Variants in CUBN observed in about 807,000 individuals in gnomAD.
CUBN encodes the protein 460 kDa receptor.
CUBN carries 282 observed loss-of-function variants against 405.3 expected under a neutral mutation model. That is an observed-to-expected ratio of 0.70 (90% CI 0.63 to 0.77). The LOEUF is 0.77. Among genes scored for constraint, CUBN ranks in the 30% least tolerant of loss-of-function variants. The pLI is 0.00. For synonymous variants in CUBN, 1,684 were observed against 1,617.0 expected, an observed-to-expected ratio of 1.04 and a Z score of -0.99; for missense variants, 4,514 against 4,475.2, an observed-to-expected ratio of 1.01 and a Z score of -0.25.
chr10:17,126,548 C>A (rs1472702529), intron 4 of CUBN, among the ~76,000 whole-genome samples: 3 of 152,164 alleles, frequency 2.0e-5, no homozygotes, highest in Non-Finnish European at 4.4e-5. Context: ...CTAACAGGCT[C>A]GGAGACCTCA....
At chr10:16,967,342 G>A (rs1843421558) in intron 31 of CUBN, among the ~76,000 whole-genome samples, 1 of 152,176 alleles carries the variant, frequency 6.6e-6, no homozygotes, top group Admixed American at 6.5e-5. Flanking sequence ...TCCTGGAAAT[G>A]TTGACATGAG....
chr10:17,088,428 G>C, intron 14 of CUBN, 83 bp from the exon 15 acceptor site: 1 of 1,152,278 alleles, frequency 8.7e-7, no homozygotes, highest in East Asian at 2.5e-5. Flanking sequence ...GGCGTAAGAA[G>C]CCAAACTTTG....
At chr10:16,924,946 G>C (rs1393803376) in intron 43 of CUBN, among the ~76,000 whole-genome samples, 1 of 152,106 alleles carries the variant, frequency 6.6e-6, no homozygotes, top group African/African-American at 2.4e-5. Flanking sequence ...GAATTCCAGG[G>C]ATCAAGAAGA....
intron 57 of CUBN, among the ~76,000 whole-genome samples, chr10:16,876,234 G>A (rs1353140935): frequency 6.6e-6 from 1 of 152,192 alleles, no homozygotes; most frequent in Non-Finnish European, 1.5e-5. Flanking sequence ...ATGTCTATTA[G>A]ATAGTGCATA....
At chr10:17,083,536 C>CATACATACATACATACATAA (rs1836021842) in intron 17 of CUBN, among the ~76,000 whole-genome samples, 1 of 151,988 alleles carries the variant, frequency 6.6e-6, no homozygotes, top group Admixed American at 6.6e-5. Flanking sequence ...TACATACATA[C>CATACATACATACATACATAA]ATACATACAT....
At chr10:16,996,765 A>G (rs1833746478) in intron 28 of CUBN, among the ~76,000 whole-genome samples, 1 of 152,216 alleles carries the variant, frequency 6.6e-6, no homozygotes, top group South Asian at 2.1e-4. Context: ...ATTTTCCTGA[A>G]ACTATATGCC....
intron 17 of CUBN, among the ~76,000 whole-genome samples, chr10:17,081,146 T>C (rs1317099747): frequency 6.6e-6 from 1 of 152,226 alleles, no homozygotes; most frequent in Admixed American, 6.5e-5. Flanking sequence ...GGAACTCTCT[T>C]ACTGAGCAAA....
rs1200532022 is a variant in CUBN at position 16,869,773 on chromosome 10, T to C, written c.9317A>G (p.Asp3106Gly). Reference sequence around the variant, plus strand: ...ACCGCAGAATTTGCCAAGAAGGGGATCGCTGGTATTGGCACCATCGTAAAT... The same window carrying C: ...ACCGCAGAATTTGCCAAGAAGGGGACCGCTGGTATTGGCACCATCGTAAAT... ...LAIYDGANTSDPLLGKFCGSK... is the reference protein window; with the variant it reads ...LAIYDGANTSGPLLGKFCGSK... The change falls in exon 59 of 67, where the codon GAT (aspartate) becomes GGT (glycine). Residue 3106 changes from aspartate to glycine, a missense_variant. This residue lies in a region of CUBN where 1,186 missense variants were observed against 1,186.9 expected (regional missense o/e 1.00). Transcript: ENST00000377833. 1 of 1,614,106 alleles carries C rather than the reference T, an allele frequency of 6.2e-7. No homozygotes were observed. Among genetic ancestry groups the C allele is most frequent in the Admixed American group, 1.7e-5 (1 of 60,018 alleles).
intron 6 of CUBN, among the ~76,000 whole-genome samples, chr10:17,119,266 T>A (rs1836976851): frequency 6.6e-6 from 1 of 152,228 alleles, no homozygotes; most frequent in East Asian, 1.9e-4. Context: ...ACTCAACTTT[T>A]TGTTTTTCTG....
At chr10:16,874,338 A>G (rs748904453) in intron 58 of CUBN, 36 bp downstream of exon 58, 2 of 1,611,570 alleles carry the variant, frequency 1.2e-6, no homozygotes, top group East Asian at 2.2e-5. Flanking sequence ...TAATGCTGAA[A>G]GGATTTTCTT....
chr10:16,992,557 A>T (rs1297949637), intron 28 of CUBN, among the ~76,000 whole-genome samples: 1 of 151,488 alleles, frequency 6.6e-6, no homozygotes, highest in Non-Finnish European at 1.5e-5. Flanking sequence ...GAGTTAGAAG[A>T]AAAGCTTTTA....
chr10:16,903,509 A>G (rs1040943376), intron 51 of CUBN, among the ~76,000 whole-genome samples: 2 of 151,874 alleles, frequency 1.3e-5, no homozygotes, highest in Non-Finnish European at 1.5e-5. Flanking sequence ...GAAAGATCAA[A>G]GAGAATCTAT....
intron 56 of CUBN, among the ~76,000 whole-genome samples, chr10:16,886,669 GGGCACTTGT>G (rs1187066404): frequency 6.6e-6 from 1 of 152,196 alleles, no homozygotes; most frequent in Non-Finnish European, 1.5e-5. Context: ...TGAACACAGA[GGGCACTTGT>G]GGCCAGGAAC....
At chr10:17,049,234 C>G (rs1473874428) in intron 22 of CUBN, among the ~76,000 whole-genome samples, 1 of 152,142 alleles carries the variant, frequency 6.6e-6, no homozygotes, top group East Asian at 1.9e-4. Flanking sequence ...ATGAAACTTA[C>G]TAAGCTAAAA....
chr10:17,121,462 C>T (rs1217192599), intron 6 of CUBN, among the ~76,000 whole-genome samples: 4 of 146,792 alleles, frequency 2.7e-5, no homozygotes, highest in South Asian at 2.2e-4. Flanking sequence ...AACCAAACAC[C>T]GCATGTTCTC....
chr10:16,919,559 T>G (rs1038259809), intron 44 of CUBN, among the ~76,000 whole-genome samples: 9 of 152,256 alleles, frequency 5.9e-5, no homozygotes, highest in African/African-American at 2.2e-4. Context: ...CCGACAGTGC[T>G]GACCCCTGGT....
rs1267237164 is a variant in CUBN, at chr10:16,904,010, T to G, written c.8018A>C (p.Glu2673Ala). The G allele has an allele frequency of 1.1e-5, 18 of 1,613,428 alleles. No individual in the cohort carries two copies. The highest frequency in any genetic ancestry group is 2.7e-5 in the African/African-American group (2 of 74,916). The change falls in exon 51 of 67, where the codon GAA (glutamate) becomes GCA (alanine). Residue 2673 changes from glutamate to alanine, a missense_variant. Glu to Ala is a moderately radical substitution (Grantham distance 107, BLOSUM62 -1). Coordinates refer to ENST00000377833, the MANE Select transcript of CUBN (RefSeq NM_001081.4). ...ATGGAATCCAATGTGTTCTACACGT[T>G]CGTTGGTGACAAAGTGAATCCATAC... ...SQVWIHFVTNERVEHIGFHAK... is the reference protein window; with the variant it reads ...SQVWIHFVTNARVEHIGFHAK...
At chr10:16,948,422 A>C (rs1365543675) in intron 35 of CUBN, 56 bp downstream of exon 35, 1 of 1,611,014 alleles carries the variant, frequency 6.2e-7, no homozygotes, top group Non-Finnish European at 8.5e-7. Flanking sequence ...ATAACAAACC[A>C]AGAATTTCTA....
chr10:16,952,819 G>A (rs957215983), intron 32 of CUBN, among the ~76,000 whole-genome samples: 3 of 152,176 alleles, frequency 2.0e-5, no homozygotes, highest in East Asian at 1.9e-4. Context: ...AGCAAAATTC[G>A]ATGTGAGTCT....
Sources: gnomAD v4.1 joint callset for allele counts (sites outside exome capture counted in the v4.1 genomes callset) on GRCh38, gnomAD v4.1.1 for gene constraint, gnomAD v4.1.1 regional missense constraint, MANE v1.5 for transcripts, NCBI Gene and HGNC (gene_info 2026-07-23, HGNC 2026-07-21) for gene names.